BNC2: variants seen among roughly 807,000 people sequenced by gnomAD.
BNC2 encodes the protein basonuclin zinc finger protein 2, also known as zinc finger protein basonuclin-2.
Under a neutral mutation model 76.3 loss-of-function variants are expected in BNC2, and 20 were observed. The observed-to-expected ratio is 0.26, with a 90% CI of 0.18 to 0.38. BNC2 has a LOEUF of 0.38. Among genes scored for constraint, BNC2 ranks in the 10% least tolerant of loss-of-function variants. The pLI is 1.00. For synonymous variants in BNC2, 582 were observed against 514.8 expected, an observed-to-expected ratio of 1.13 and a Z score of -1.77; for missense variants, 1,382 against 1,399.8, an observed-to-expected ratio of 0.99 and a Z score of 0.20.
intron 6 of BNC2, 91 bp downstream of exon 6, chr9:16,435,457 AAACATCT>A: frequency 6.9e-7 from 1 of 1,442,958 alleles, no homozygotes; most frequent in Non-Finnish European, 9.7e-7. Context: ...AGTGCACCAA[AAACATCT>A]AAGTTGGATT....
chr9:16,811,098 G>C (rs1256855964), intron 1 of BNC2, among the ~76,000 whole-genome samples: 4 of 146,412 alleles, frequency 2.7e-5, no homozygotes, highest in Non-Finnish European at 6.1e-5. Context: ...GGCGCCTGTA[G>C]TCCCAGCTAC....
At chr9:16,863,162 C>A (rs930211472) in intron 1 of BNC2, among the ~76,000 whole-genome samples, 17 of 152,174 alleles carry the variant, frequency 1.1e-4, no homozygotes, top group African/African-American at 3.9e-4. Context: ...ATCCACCCAC[C>A]TGAGCCTCCC....
At chr9:16,467,955 A>G (rs544478700) in intron 5 of BNC2, among the ~76,000 whole-genome samples, 1 of 151,728 alleles carries the variant, frequency 6.6e-6, no homozygotes, top group East Asian at 1.9e-4. Flanking sequence ...GGAACATGCT[A>G]TCACTTCTTC....
In BNC2 at chr9:16,832,342, C is replaced by A; in HGVS notation, c.3+38304G>T. On this transcript the variant is annotated intron_variant, in intron 1 of 6. Coordinates refer to ENST00000380672, the MANE Select transcript of BNC2 (RefSeq NM_017637.6). ...ATGAAGCACAGAATTCCAGAGAAAACCAGGCAATCTGTGAAACAGAACAGA... is the reference window on the plus strand; with the variant it reads ...ATGAAGCACAGAATTCCAGAGAAAAACAGGCAATCTGTGAAACAGAACAGA... 4 of 1,258,552 alleles carry A rather than the reference C, an allele frequency of 3.2e-6. No individual in the cohort carries two copies. In the South Asian group the frequency reaches 4.0e-5, roughly 13 times the overall value. 78.0% of individuals were successfully genotyped at this position (1,258,552 alleles called of 1,614,324 possible). A position where few individuals can be genotyped will look rare whatever the true frequency, so the allele number is the denominator to read the frequency against.
intron 1 of BNC2, among the ~76,000 whole-genome samples, chr9:16,811,573 A>AAAC (rs1563954298): frequency 4.6e-5 from 7 of 151,706 alleles, no homozygotes; most frequent in African/African-American, 1.7e-4. Flanking sequence ...AAAAAAAAAA[A>AAAC]AACAGTGTAC....
intron 5 of BNC2, among the ~76,000 whole-genome samples, chr9:16,504,749 A>G (rs1226304540): frequency 6.6e-6 from 1 of 152,226 alleles, no homozygotes; most frequent in African/African-American, 2.4e-5. Context: ...GAGGAAGCTG[A>G]GGCGGCAGGA....
chr9:16,724,020 T>C (rs570157796), intron 3 of BNC2, among the ~76,000 whole-genome samples: 10 of 152,250 alleles, frequency 6.6e-5, no homozygotes, highest in South Asian at 2.1e-4. Flanking sequence ...CCTAAATTAC[T>C]ACATAATGAT....
In BNC2 at chr9:16,697,539, T is replaced by C. The variant is rs368093491; in HGVS notation, c.330+30258A>G. 4.3e-4 allele frequency among the ~76,000 whole-genome samples: 65 copies of C among 151,994 alleles called. No individual in the cohort carries two copies. The East Asian group carries it at 9.1e-3, about 21-fold the overall frequency. On this transcript the variant is annotated intron_variant, in intron 3 of 6. Coordinates refer to ENST00000380672, the MANE Select transcript of BNC2 (RefSeq NM_017637.6). ...GAGATCAAGACCAGCCTGGCCAACATAGCAAAACCCCATCTCTACTAAAAT... is the reference window on the plus strand; with the variant it reads ...GAGATCAAGACCAGCCTGGCCAACACAGCAAAACCCCATCTCTACTAAAAT...
intron 3 of BNC2, among the ~76,000 whole-genome samples, chr9:16,650,064 G>A (rs1051754089): frequency 3.3e-5 from 5 of 152,164 alleles, no homozygotes; most frequent in African/African-American, 1.2e-4. Context: ...GCATGGCAGA[G>A]GAAGGCAAAG....
chr9:16,541,830 T>TAATA (rs1035428451), intron 5 of BNC2, among the ~76,000 whole-genome samples: 6 of 152,132 alleles, frequency 3.9e-5, no homozygotes, highest in African/African-American at 1.4e-4. Flanking sequence ...AAACCAATAT[T>TAATA]GTCACTGATC....
chr9:16,703,006 G>T (rs973869378), intron 3 of BNC2, among the ~76,000 whole-genome samples: 1 of 152,128 alleles, frequency 6.6e-6, no homozygotes, highest in Non-Finnish European at 1.5e-5. Context: ...AACAAGTGAT[G>T]ATATTTTTTA....
At position 16,664,228 on chromosome 9, in the gene BNC2, C is replaced by T. The variant is rs368082638; in HGVS notation, c.330+63569G>A. Among the ~76,000 whole-genome samples, 6 of 152,264 alleles carry T rather than the reference C, an allele frequency of 3.9e-5. No homozygotes were observed. The East Asian group carries it at 9.6e-4, about 24-fold the overall frequency. On this transcript the variant is annotated intron_variant, in intron 3 of 6. Transcript: ENST00000380672. ...TGCTCCACGTTATTGATTTCCTAAA[C>T]ATACTTCAGAGTCCCAAGGTTGTCC...
intron 5 of BNC2, among the ~76,000 whole-genome samples, chr9:16,483,870 CATGACCCT>C (rs1822108853): frequency 1.3e-5 from 2 of 152,238 alleles, no homozygotes; most frequent in South Asian, 4.1e-4. Flanking sequence ...CATCTTCAAG[CATGACCCT>C]GTCCTAAAGC....
intron 3 of BNC2, among the ~76,000 whole-genome samples, chr9:16,659,115 T>C (rs1338804735): frequency 2.7e-5 from 4 of 149,200 alleles, no homozygotes; most frequent in African/African-American, 7.5e-5. Flanking sequence ...GATGGATAGA[T>C]GGACAGGTGT....
chr9:16,828,233 A>C (rs1349624200), intron 1 of BNC2, among the ~76,000 whole-genome samples: 1 of 152,254 alleles, frequency 6.6e-6, no homozygotes, highest in Non-Finnish European at 1.5e-5. Flanking sequence ...TGCCCAAAAA[A>C]AAATCACAGG....
At chr9:16,539,768 A>AAAGGAAAGGAAAGGAAAGGAAAGGAAAG (rs1563831014) in intron 5 of BNC2, among the ~76,000 whole-genome samples, 2 of 58,984 alleles carry the variant, frequency 3.4e-5, no homozygotes, top group African/African-American at 1.3e-4. Flanking sequence ...GGAAAGGAAA[A>AAAGGAAAGGAAAGGAAAGGAAAGGAAAG]GAAAGGAAAG....
intron 5 of BNC2, among the ~76,000 whole-genome samples, chr9:16,459,978 G>C (rs139913485): frequency 3.3e-5 from 5 of 152,144 alleles, no homozygotes; most frequent in Admixed American, 3.3e-4. Flanking sequence ...GAGGGAAAGC[G>C]CACGTGCAAG....
intron 1 of BNC2, among the ~76,000 whole-genome samples, chr9:16,844,227 C>T (rs13298175): frequency 0.059 from 8,990 of 151,700 alleles, 671 homozygotes; most frequent in East Asian, 0.27. Context: ...AACACTGACA[C>T]AAAATCTGAT....
At chr9:16,541,213 C>T (rs1327886962) in intron 5 of BNC2, among the ~76,000 whole-genome samples, 3 of 152,110 alleles carry the variant, frequency 2.0e-5, no homozygotes, top group African/African-American at 2.4e-5. Flanking sequence ...CGGAAAGTCA[C>T]CAGAGAATCA....
Sources: gnomAD v4.1 joint callset for allele counts (sites outside exome capture counted in the v4.1 genomes callset) on GRCh38, gnomAD v4.1.1 for gene constraint, MANE v1.5 for transcripts, NCBI Gene and HGNC (gene_info 2026-07-23, HGNC 2026-07-21) for gene names.